CNTN5: variants seen among roughly 807,000 people sequenced by gnomAD.
The protein encoded by CNTN5 is contactin 5.
In CNTN5, 77 loss-of-function variants were observed where a neutral mutation model predicts 129.1. The ratio of observed to expected loss-of-function variants is 0.60; its 90% CI spans 0.50 to 0.72. The LOEUF (loss-of-function observed/expected upper bound fraction) is 0.72, where lower values mean the gene tolerates loss of function less well. Ranked by LOEUF, CNTN5 falls within the 30% of genes least tolerant of loss-of-function variation. The pLI is 0.00. For missense variants in CNTN5, 1,478 were observed against 1,328.8 expected (o/e 1.11, Z -1.75); for synonymous variants, 509 against 465.6 (o/e 1.09, Z -1.20).
intron 17 of CNTN5, among the ~76,000 whole-genome samples, chr11:100,257,018 C>T (rs1180125024): frequency 6.6e-6 from 1 of 152,128 alleles, no homozygotes. Context: ...GCAGATCCCA[C>T]CCCCATGGAG....
intron 8 of CNTN5, among the ~76,000 whole-genome samples, chr11:99,959,546 T>C (rs1316857751): frequency 1.3e-5 from 2 of 152,190 alleles, no homozygotes; most frequent in African/African-American, 4.8e-5. Context: ...AAAATTACAC[T>C]ATAAGTCATT....
At chr11:99,543,191 G>T (rs1193881728) in intron 2 of CNTN5, among the ~76,000 whole-genome samples, 2 of 152,098 alleles carry the variant, frequency 1.3e-5, no homozygotes, top group East Asian at 3.9e-4. Context: ...ATATTTCTCT[G>T]CATTCAAACC....
At chr11:99,907,390 C>G (rs953958504) in intron 6 of CNTN5, among the ~76,000 whole-genome samples, 1 of 151,952 alleles carries the variant, frequency 6.6e-6, no homozygotes, top group African/African-American at 2.4e-5. Flanking sequence ...AGAGCACCGT[C>G]AGGAGGTTGG....
At chr11:99,750,755 C>A (rs1449311635) in intron 3 of CNTN5, among the ~76,000 whole-genome samples, 6 of 152,160 alleles carry the variant, frequency 3.9e-5, no homozygotes, top group Non-Finnish European at 5.9e-5. Flanking sequence ...CGAACAATAT[C>A]TTTCTAAACA....
intron 3 of CNTN5, among the ~76,000 whole-genome samples, chr11:99,587,819 A>C (rs769803973): frequency 4.6e-5 from 7 of 152,216 alleles, no homozygotes; most frequent in Non-Finnish European, 8.8e-5. Context: ...AGGTTTTCAA[A>C]AGAGTGCTTT....
intron 1 of CNTN5, among the ~76,000 whole-genome samples, chr11:99,072,273 G>C (rs1358834818): frequency 1.3e-5 from 2 of 150,376 alleles, no homozygotes; most frequent in Non-Finnish European, 3.0e-5. Flanking sequence ...ATTTCCTTAA[G>C]ACAAAAAGAA....
In CNTN5 at chr11:99,945,421, T is replaced by G. The variant is rs529031228; in HGVS notation, c.674-11385T>G. Among the ~76,000 whole-genome samples, 46 of 151,984 alleles carry G rather than the reference T, an allele frequency of 3.0e-4. No homozygotes were observed. The South Asian group carries it at 8.7e-3, about 29-fold the overall frequency. ...GGTAAGAGGCTATGTTTTATGAAGTTTTTTTAGAATGACTGCTAGGATGAT... is the reference window on the plus strand; with the variant it reads ...GGTAAGAGGCTATGTTTTATGAAGTGTTTTTAGAATGACTGCTAGGATGAT... On this transcript the variant is annotated intron_variant, in intron 7 of 24. Transcript: ENST00000524871.
intron 18 of CNTN5, among the ~76,000 whole-genome samples, chr11:100,292,026 A>C (rs555726759): frequency 2.0e-5 from 3 of 152,044 alleles, no homozygotes; most frequent in African/African-American, 4.8e-5. Context: ...GGTATTTAAA[A>C]ATTCCAGTTT....
intron 8 of CNTN5, among the ~76,000 whole-genome samples, chr11:99,975,088 G>T (rs1245646038): frequency 2.6e-5 from 4 of 152,174 alleles, no homozygotes; most frequent in African/African-American, 9.7e-5. Flanking sequence ...AGGCCCTTCT[G>T]ATTTTGCCTT....
At chr11:99,616,626 A>G (rs1203029138) in intron 3 of CNTN5, among the ~76,000 whole-genome samples, 1 of 152,152 alleles carries the variant, frequency 6.6e-6, no homozygotes, top group Non-Finnish European at 1.5e-5. Flanking sequence ...GCAGTATAAG[A>G]GTTAGTGGAG....
At chr11:100,271,049 T>C in intron 17 of CNTN5, 43 bp from the exon 18 acceptor site, 3 of 1,502,910 alleles carry the variant, frequency 2.0e-6, no homozygotes, top group Non-Finnish European at 2.7e-6. Context: ...TGTAGCATTT[T>C]TCTAGTCCTC....
At position 99,627,863 on chromosome 11, in the gene CNTN5, G is replaced by A. The variant is rs116722748; in HGVS notation, c.55+71594G>A. On this transcript the variant is annotated intron_variant, in intron 3 of 24. Coordinates refer to ENST00000524871, the MANE Select transcript of CNTN5 (RefSeq NM_014361.4). The stretch of plus-strand genomic sequence containing the variant: ...ATCTCAGGATTCCCCATATCATGCA[G>A]ATTATTCCCCTGTTCCTAGGTTTGT... 6.0e-3 allele frequency among the ~76,000 whole-genome samples: 900 copies of A among 151,114 alleles called. 8 individuals are homozygous for A. Among genetic ancestry groups the A allele is most frequent in the African/African-American group, 0.02 (827 of 41,082 alleles).
At chr11:99,358,682 C>A (rs563731053) in intron 2 of CNTN5, among the ~76,000 whole-genome samples, 1 of 152,186 alleles carries the variant, frequency 6.6e-6, no homozygotes, top group Non-Finnish European at 1.5e-5. Flanking sequence ...AATATTATTT[C>A]AAAATTAAAT....
At chr11:99,655,854 C>G (rs1455071078) in intron 3 of CNTN5, among the ~76,000 whole-genome samples, 1 of 151,806 alleles carries the variant, frequency 6.6e-6, no homozygotes, top group Non-Finnish European at 1.5e-5. Flanking sequence ...ATCCATGACT[C>G]CAAATAAATG....
At chr11:100,041,929 C>T (rs531903591) in intron 9 of CNTN5, among the ~76,000 whole-genome samples, 4 of 152,210 alleles carry the variant, frequency 2.6e-5, no homozygotes, top group South Asian at 2.1e-4. Flanking sequence ...CATAATCACA[C>T]GTTCTGAGTC....
chr11:100,157,427 T>G (rs1947284751), intron 13 of CNTN5, among the ~76,000 whole-genome samples: 1 of 151,782 alleles, frequency 6.6e-6, no homozygotes, highest in South Asian at 2.1e-4. Context: ...AGAATTCTAT[T>G]TAAGGAAATT....
intron 1 of CNTN5, among the ~76,000 whole-genome samples, chr11:99,055,328 T>C (rs1156434058): frequency 2.0e-5 from 3 of 152,054 alleles, no homozygotes; most frequent in Non-Finnish European, 4.4e-5. Context: ...AATCTTACTA[T>C]TATGCCTGAC....
chr11:99,569,704 A>T (rs530927905), intron 3 of CNTN5, among the ~76,000 whole-genome samples: 53 of 152,220 alleles, frequency 3.5e-4, no homozygotes, highest in African/African-American at 1.2e-3. Context: ...TGGGATAACT[A>T]TTTTTTAAAT....
At chr11:99,130,688 T>C (rs1170196700) in intron 1 of CNTN5, among the ~76,000 whole-genome samples, 1 of 99,840 alleles carries the variant, frequency 1.0e-5, no homozygotes, top group African/African-American at 3.8e-5. Context: ...GCACTTACTG[T>C]GAAATTGATC....
Sources: allele counts gnomAD v4.1 joint callset (sites outside exome capture counted in the v4.1 genomes callset), GRCh38; gene constraint gnomAD v4.1.1; transcripts MANE v1.5; gene names NCBI Gene and HGNC (gene_info 2026-07-23, HGNC 2026-07-21).